Variants in POLR2G observed in about 807,000 individuals in gnomAD.
POLR2G encodes the protein RNA polymerase II subunit G.
A neutral mutation model predicts 25.7 loss-of-function variants in POLR2G; 19 were observed. The ratio of observed to expected loss-of-function variants is 0.74; its 90% CI spans 0.52 to 1.08. POLR2G has a LOEUF of 1.08. Among genes scored for constraint, POLR2G ranks in the 50% least tolerant of loss-of-function variants. POLR2G has a pLI of 0.00. For missense variants in POLR2G, 123 were observed against 218.5 expected (o/e 0.56, Z 2.76); for synonymous variants, 79 against 76.0 (o/e 1.04, Z -0.21).
chr11:62,763,023 C>A lies in POLR2G; in HGVS notation c.279C>A (p.Asn93Lys). 6.3e-7 allele frequency: 1 copy of A among 1,591,462 alleles called. No individual in the cohort carries two copies. The change falls in exon 3 of 8, where the codon AAC (asparagine) becomes AAA (lysine). Residue 93 changes from asparagine (N) to lysine (K), a missense_variant. Transcript: ENST00000301788. Reference protein sequence around the residue: ...EVVDAVVTQVNKVGLFTEIGP... With the variant: ...EVVDAVVTQVKKVGLFTEIGP... ...TGGATGCTGTTGTCACTCAGGTCAA[C>A]AAGGTGAGACCATACATAGGGGAGG...
At chr11:62,762,354 A>G in intron 2 of POLR2G, 1 of 262,128 alleles carries the variant, frequency 3.8e-6, no homozygotes, top group Non-Finnish European at 8.0e-6. Flanking sequence ...TGACCAGAAA[A>G]AGCAGATCGA....
At chr11:62,762,808 A>T in intron 2 of POLR2G, 59 bp from the exon 3 acceptor site, 1 of 1,412,332 alleles carries the variant, frequency 7.1e-7, no homozygotes, top group Non-Finnish European at 9.7e-7. Flanking sequence ...CTTTTATTGC[A>T]GATGTCTTTA....
At chr11:62,762,370 T>TG in intron 2 of POLR2G, 1 of 255,712 alleles carries the variant, frequency 3.9e-6, no homozygotes, top group Non-Finnish European at 8.3e-6. Flanking sequence ...ATCGAGAGTT[T>TG]GGGGGAGGAA....
rs1219723879 is a variant in POLR2G, at chr11:62,761,778, C to T, written c.13-17C>T. 2 of 1,612,186 alleles carry T rather than the reference C, an allele frequency of 1.2e-6. No individual in the cohort carries two copies. The highest frequency in any genetic ancestry group is 1.7e-6 in the Non-Finnish European group (2 of 1,178,418). On this transcript the variant is annotated splice_polypyrimidine_tract_variant and intron_variant, in intron 1 of 7. Coordinates refer to ENST00000301788, the MANE Select transcript of POLR2G (RefSeq NM_002696.3). ...TGCCAGCGCCTGGCCTGGTCGCCAT[C>T]CCACTTTTCTCCGCAGATCTCCCTA...
chr11:62,766,596 T>G lies in POLR2G; in HGVS notation c.*89T>G. 1 of 1,321,942 alleles carries G rather than the reference T, an allele frequency of 7.6e-7. No homozygotes were observed. Among genetic ancestry groups the G allele is most frequent in the Non-Finnish European group, 1.1e-6 (1 of 920,428 alleles). The allele number at this position is 1,321,942 out of a possible 1,614,324, so 81.9% of individuals were successfully genotyped here. On this transcript the variant is annotated 3_prime_UTR_variant, in exon 8 of 8. Coordinates refer to ENST00000301788, the MANE Select transcript of POLR2G (RefSeq NM_002696.3). ...TCCAGAGGTCCAGTCTGGCTGCTGTTGTGGAGGCAAGGAAGGCAACTCATC... is the reference window on the plus strand; with the variant it reads ...TCCAGAGGTCCAGTCTGGCTGCTGTGGTGGAGGCAAGGAAGGCAACTCATC...
In POLR2G at chr11:62,762,863, G is replaced by C; in HGVS notation, c.123-4G>C. The C allele has an allele frequency of 6.3e-7, 1 of 1,577,480 alleles. No homozygotes were observed. Among genetic ancestry groups the C allele is most frequent in the Non-Finnish European group, 8.7e-7 (1 of 1,155,458 alleles). On this transcript the variant is annotated splice_region_variant and splice_polypyrimidine_tract_variant and intron_variant, in intron 2 of 7. Coordinates refer to ENST00000301788, the MANE Select transcript of POLR2G (RefSeq NM_002696.3). ...TGTCTTCCTGTTTCTCATCCTCCTT[G>C]CAGGTATGGCTTTGTAATTGCTGTC...
intron 5 of POLR2G, 63 bp downstream of exon 5, chr11:62,765,468 T>C: frequency 7.3e-7 from 1 of 1,373,660 alleles, no homozygotes; most frequent in Admixed American, 1.7e-5. Context: ...GGGAGAATAT[T>C]GGCCTGGGGA....
intron 3 of POLR2G, among the ~76,000 whole-genome samples, chr11:62,764,656 C>T (rs978589730): frequency 5.3e-5 from 8 of 151,888 alleles, no homozygotes; most frequent in Non-Finnish European, 1.0e-4. Context: ...ATTAGCCTAG[C>T]ATGGTGGTGT....
intron 3 of POLR2G, 91 bp from the exon 4 acceptor site, chr11:62,765,091 T>A: frequency 9.4e-7 from 1 of 1,068,538 alleles, no homozygotes; most frequent in Non-Finnish European, 1.4e-6. Flanking sequence ...ACTCCTGACC[T>A]CGTGATCCAC....
intron 2 of POLR2G, chr11:62,762,345 G>A (rs768588722): frequency 4.1e-5 from 11 of 266,154 alleles, no homozygotes; most frequent in Admixed American, 1.6e-4. Context: ...CTGAATGAAT[G>A]ACCAGAAAAA....
chr11:62,761,603 G>T lies in POLR2G; in HGVS notation c.-46G>T, dbSNP rs1311061099. 6.3e-7 allele frequency: 1 copy of T among 1,579,516 alleles called. No individual in the cohort carries two copies. Among genetic ancestry groups the T allele is most frequent in the Admixed American group, 1.9e-5 (1 of 53,694 alleles). On this transcript the variant is annotated 5_prime_UTR_variant, in exon 1 of 8. Coordinates refer to ENST00000301788, the MANE Select transcript of POLR2G (RefSeq NM_002696.3). The stretch of plus-strand genomic sequence containing the variant: ...CTAAGTGTTTCCGGTGGATTCCCAG[G>T]GACTGTCGGAGGTGTGGACTCTGCC...
At chr11:62,762,240 C>T in intron 2 of POLR2G, 1 of 313,842 alleles carries the variant, frequency 3.2e-6, no homozygotes, top group Non-Finnish European at 6.2e-6. Context: ...ACAGTGTAAT[C>T]ATTGTTCCTG....
Position 62,765,181 on chromosome 11 carries a change from G to C in POLR2G, c.283-1G>C, listed in dbSNP as rs765049376. The C allele has an allele frequency of 9.9e-6, 16 of 1,613,258 alleles. No individual in the cohort carries two copies. Among genetic ancestry groups the C allele is most frequent in the Non-Finnish European group, 1.4e-5 (16 of 1,179,878 alleles). On this transcript the variant is annotated splice_acceptor_variant, in intron 3 of 7. Transcript: ENST00000301788. LOFTEE classifies it high-confidence loss of function. ...CGTAAGATCACTCATTTTTTTTCTAGGTTGGACTCTTCACAGAAATTGGGC... is the reference window on the plus strand; with the variant it reads ...CGTAAGATCACTCATTTTTTTTCTACGTTGGACTCTTCACAGAAATTGGGC...
At chr11:62,762,627 C>G (rs1204810882) in intron 2 of POLR2G, 2 of 604,834 alleles carry the variant, frequency 3.3e-6, no homozygotes, top group Admixed American at 4.3e-5. Flanking sequence ...TCTGTTGCCT[C>G]AAGGACTCCA....
chr11:62,763,041 A>C lies in POLR2G; in HGVS notation c.282+15A>C. The C allele has an allele frequency of 6.5e-7, 1 of 1,546,704 alleles. No homozygotes were observed. The highest frequency in any genetic ancestry group is 8.8e-7 in the Non-Finnish European group (1 of 1,134,800). On this transcript the variant is annotated intron_variant, in intron 3 of 7. Transcript: ENST00000301788. ...AGGTCAACAAGGTGAGACCATACAT[A>C]GGGGAGGCAGTGGGGTAGTCTCTCG... is the stretch of plus-strand genomic sequence containing the variant.
chr11:62,761,970 C>A (rs575923394), intron 2 of POLR2G, 66 bp downstream of exon 2: 24 of 1,133,236 alleles, frequency 2.1e-5, no homozygotes, highest in Non-Finnish European at 3.0e-5. Context: ...TACCTGCAAC[C>A]CCTCCCCAAC....
intron 3 of POLR2G, among the ~76,000 whole-genome samples, chr11:62,763,546 G>A (rs933896493): frequency 2.0e-5 from 3 of 151,832 alleles, no homozygotes; most frequent in Admixed American, 6.6e-5. Flanking sequence ...CACCCGCCTC[G>A]GCCTCCCAAA....
In POLR2G at chr11:62,766,476, C is replaced by T. The variant is rs2084116406; in HGVS notation, c.506-18C>T. On this transcript the variant is annotated intron_variant, in intron 7 of 7. Coordinates refer to ENST00000301788, the MANE Select transcript of POLR2G (RefSeq NM_002696.3). ...CTAAATTCCGGTTCTAACTGATATG[C>T]TTTTTCTGGTTTCGCAGGGCTTGTA... 1 of 1,613,704 alleles carries T rather than the reference C, an allele frequency of 6.2e-7. No individual in the cohort carries two copies. Among genetic ancestry groups the T allele is most frequent in the African/African-American group, 1.3e-5 (1 of 74,866 alleles).
chr11:62,762,674 G>T, intron 2 of POLR2G, 193 bp from the exon 3 acceptor site: 1 of 646,744 alleles, frequency 1.5e-6, no homozygotes, highest in Non-Finnish European at 2.9e-6. Flanking sequence ...TACCAGAACA[G>T]CATTTGGTCT....
Sources: allele counts gnomAD v4.1 joint callset (sites outside exome capture counted in the v4.1 genomes callset), GRCh38; gene constraint gnomAD v4.1.1; transcripts MANE v1.5; gene names NCBI Gene and HGNC (gene_info 2026-07-23, HGNC 2026-07-21).